Variants in PCGF3 observed in about 807,000 individuals in gnomAD.
PCGF3 encodes the protein polycomb group RING finger protein 3.
Under a neutral mutation model 33.1 loss-of-function variants are expected in PCGF3, and 7 were observed. The ratio of observed to expected loss-of-function variants is 0.21; its 90% CI spans 0.12 to 0.40. PCGF3 has a LOEUF of 0.40. PCGF3 is among the 10% of genes least tolerant of loss of function. PCGF3 has a pLI of 1.00. For synonymous variants in PCGF3, 153 were observed against 121.3 expected (o/e 1.26, Z -1.72); for missense variants, 211 against 313.3 (o/e 0.67, Z 2.46).
intron 2 of PCGF3, 56 bp from the exon 3 acceptor site, chr4:730,914 T>G: frequency 2.5e-6 from 1 of 397,834 alleles, no homozygotes; most frequent in East Asian, 3.6e-5. Flanking sequence ...GGCGGAGTTG[T>G]GGCAGTCACA....
chr4:717,309 C>T (rs547881189), intron 1 of PCGF3, among the ~76,000 whole-genome samples: 26 of 147,622 alleles, frequency 1.8e-4, no homozygotes, highest in Non-Finnish European at 3.3e-4. Context: ...GAGAACTGGG[C>T]GTCGGTGCTG....
intron 8 of PCGF3, among the ~76,000 whole-genome samples, chr4:756,368 A>G (rs982145911): frequency 6.6e-6 from 1 of 150,796 alleles, no homozygotes; most frequent in African/African-American, 2.4e-5. Context: ...ACGCACCACC[A>G]TGCCCAGCTA....
At chr4:756,547 T>C (rs1249605434) in intron 8 of PCGF3, among the ~76,000 whole-genome samples, 1 of 152,148 alleles carries the variant, frequency 6.6e-6, no homozygotes, top group African/African-American at 2.4e-5. Flanking sequence ...ATTCCTTTAG[T>C]TTCCAGCTTC....
At chr4:732,509 C>T (rs548315930) in intron 3 of PCGF3, 176 of 152,996 alleles carry the variant, frequency 1.2e-3, no homozygotes, top group Middle Eastern at 3.4e-3. Flanking sequence ...GTGAGGACCG[C>T]AAGCGTAAAG....
At chr4:741,917 T>C (rs1024311723) in intron 6 of PCGF3, among the ~76,000 whole-genome samples, 5 of 152,196 alleles carry the variant, frequency 3.3e-5, no homozygotes, top group African/African-American at 1.2e-4. Context: ...TTCTGCAGAC[T>C]GATGGGAACA....
intron 8 of PCGF3, among the ~76,000 whole-genome samples, chr4:750,070 G>A (rs1198745220): frequency 6.6e-6 from 1 of 152,232 alleles, no homozygotes; most frequent in East Asian, 1.9e-4. Context: ...CTCCCAAAGT[G>A]CCAGGATTCC....
chr4:726,649 C>T (rs931409004), intron 1 of PCGF3, among the ~76,000 whole-genome samples: 4 of 152,180 alleles, frequency 2.6e-5, no homozygotes, highest in Admixed American at 6.5e-5. Context: ...GGTTCACGGT[C>T]GCCTTTTCCA....
At chr4:760,731 C>G (rs996562223) in intron 8 of PCGF3, among the ~76,000 whole-genome samples, 3 of 152,230 alleles carry the variant, frequency 2.0e-5, no homozygotes, top group Non-Finnish European at 4.4e-5. Context: ...TGGGCAGATT[C>G]CTTTTCGCAC....
rs57690550 is a variant in PCGF3, at chr4:727,233, C to CTTTTTTTTTTTTT, written c.-189-3384_-189-3372dup. Among the ~76,000 whole-genome samples the CTTTTTTTTTTTTT allele has an allele frequency of 1.4e-3, 85 of 61,902 alleles. 11 individuals are homozygous for CTTTTTTTTTTTTT. The highest frequency in any genetic ancestry group is 1.8e-3 in the Non-Finnish European group (64 of 34,636). 40.6% of individuals were successfully genotyped at this position (61,902 alleles called of 152,430 possible). A position where few individuals can be genotyped will look rare whatever the true frequency, so the allele number is the denominator to read the frequency against. On this transcript the variant is annotated intron_variant, in intron 1 of 10. Coordinates refer to ENST00000362003, the Ensembl canonical transcript of PCGF3. ...AGAGGATGTGTGTGTTAGCGAGCGT[C>CTTTTTTTTTTTTT]TTTTTTTTTTTTTTTTTTTTTTTTT...
intron 1 of PCGF3, among the ~76,000 whole-genome samples, chr4:716,396 G>A (rs867020161): frequency 1.6e-5 from 2 of 125,952 alleles, no homozygotes; most frequent in African/African-American, 6.0e-5. Context: ...ACTGGGCGTC[G>A]GTGCTGGGAC....
Position 749,476 on chromosome 4 carries a change from C to CTTTTTTTTT in PCGF3, c.462+4804_462+4812dup, listed in dbSNP as rs71640348. 1.6e-3 allele frequency among the ~76,000 whole-genome samples: 120 copies of CTTTTTTTTT among 75,478 alleles called. 7 individuals carry two copies. Among genetic ancestry groups the CTTTTTTTTT allele is most frequent in the African/African-American group, 5.5e-3 (97 of 17,732 alleles). The allele number at this position is 75,478 out of a possible 152,430, so 49.5% of individuals were successfully genotyped here. A position where few individuals can be genotyped will look rare whatever the true frequency, so the allele number is the denominator to read the frequency against. On this transcript the variant is annotated intron_variant, in intron 8 of 10. Coordinates refer to ENST00000362003, the Ensembl canonical transcript of PCGF3. ...ACCATGCCCTGCTGAATTTTCTTTC[C>CTTTTTTTTT]TTTTTTTTTTTTTTTTTTTTTTTTG...
At chr4:754,220 C>T (rs567528274) in intron 8 of PCGF3, among the ~76,000 whole-genome samples, 14 of 152,312 alleles carry the variant, frequency 9.2e-5, no homozygotes, top group South Asian at 6.2e-4. Context: ...GGGTCCCTGC[C>T]GCCCTCCAGA....
At chr4:767,394 T>C (rs896016388) in exon 11 of PCGF3, 5 of 152,136 alleles carry the variant, frequency 3.3e-5, no homozygotes, top group African/African-American at 7.2e-5. Context: ...TCTGGAGTGG[T>C]TGAGGTGTTG....
chr4:764,624 A>C, intron 9 of PCGF3: 1 of 196,072 alleles, frequency 5.1e-6, no homozygotes, highest in Non-Finnish European at 1.1e-5. Flanking sequence ...CAAGAGAAAA[A>C]GGGTTCAGGG....
intron 10 of PCGF3, among the ~76,000 whole-genome samples, 187 bp downstream of exon 10, chr4:765,251 G>T (rs1745297774): frequency 6.6e-6 from 1 of 152,154 alleles, no homozygotes; most frequent in South Asian, 2.1e-4. Context: ...GGCTAACATG[G>T]TGAAACCCAA....
chr4:732,352 TTCCCC>T (rs1290022738), intron 3 of PCGF3: 1 of 123,352 alleles, frequency 8.1e-6, no homozygotes, highest in Non-Finnish European at 1.8e-5. Flanking sequence ...CTCCCTTCCC[TTCCCC>T]TCCCCTCCCT....
chr4:709,161 C>T lies in PCGF3; in HGVS notation c.-190+3191C>T, dbSNP rs933205286. On this transcript the variant is annotated intron_variant, in intron 1 of 10. Coordinates refer to ENST00000362003, the Ensembl canonical transcript of PCGF3. ...CAGGAACCCTGCTCCCAGAGGGTGC[C>T]GTGTGGCTGCTTGGTGTGCCGTACA... Among the ~76,000 whole-genome samples, 5 of 152,074 alleles carry T rather than the reference C, an allele frequency of 3.3e-5. No individual in the cohort carries two copies. The East Asian group carries it at 5.8e-4, about 18-fold the overall frequency.
At chr4:733,916 G>A in intron 4 of PCGF3, 127 bp downstream of exon 4, 1 of 1,572,518 alleles carries the variant, frequency 6.4e-7, no homozygotes, top group Non-Finnish European at 8.6e-7. Flanking sequence ...ACCAGGACCA[G>A]GGGCAGAGAC....
chr4:761,501 TTTG>T, intron 9 of PCGF3, 85 bp downstream of exon 9: 1 of 1,454,626 alleles, frequency 6.9e-7, no homozygotes, highest in Non-Finnish European at 9.2e-7. Context: ...TTAGTTTTGT[TTTG>T]TTTTTAACAA....
Sources: gnomAD v4.1 joint callset for allele counts (sites outside exome capture counted in the v4.1 genomes callset) on GRCh38, gnomAD v4.1.1 for gene constraint, MANE v1.5 for transcripts, NCBI Gene and HGNC (gene_info 2026-07-23, HGNC 2026-07-21) for gene names.